The following AFF1 variants were observed in gnomAD, a reference collection of about 807,000 sequenced individuals.
The protein encoded by AFF1 is AF4/FMR2 family member 1.
AFF1 carries 48 observed loss-of-function variants against 121.7 expected under a neutral mutation model. The ratio of observed to expected loss-of-function variants is 0.39; its 90% CI spans 0.31 to 0.50. The LOEUF is 0.50. Among genes scored for constraint, AFF1 ranks in the 20% least tolerant of loss-of-function variants. AFF1 has a pLI of 0.76. For missense variants in AFF1, 1,523 were observed against 1,511.7 expected, an observed-to-expected ratio of 1.01 and a Z score of -0.12; for synonymous variants, 613 against 563.0, an observed-to-expected ratio of 1.09 and a Z score of -1.26.
At chr4:87,058,264 G>A (rs1182956134) in intron 4 of AFF1, among the ~76,000 whole-genome samples, 2 of 152,164 alleles carry the variant, frequency 1.3e-5, no homozygotes, top group Non-Finnish European at 2.9e-5. Context: ...GGTTTCTGTG[G>A]AGTAATGATG....
At chr4:87,021,830 A>T (rs1314085728) in intron 2 of AFF1, among the ~76,000 whole-genome samples, 1 of 152,188 alleles carries the variant, frequency 6.6e-6, no homozygotes, top group African/African-American at 2.4e-5. Flanking sequence ...AGGGGTTGGG[A>T]TTACTTTAGA....
intron 16 of AFF1, among the ~76,000 whole-genome samples, chr4:87,130,845 A>C (rs1578321438): frequency 6.6e-6 from 1 of 152,218 alleles, no homozygotes; most frequent in African/African-American, 2.4e-5. Context: ...TAAGGCTTTG[A>C]GAGCATGGTC....
intron 2 of AFF1, chr4:87,036,868 C>T: frequency 2.1e-6 from 1 of 476,782 alleles, no homozygotes; most frequent in South Asian, 1.6e-5. Context: ...CTTCTTGCTC[C>T]ATCGCTGAGG....
chr4:86,959,402 C>A (rs1283448093), intron 2 of AFF1, among the ~76,000 whole-genome samples: 1 of 151,662 alleles, frequency 6.6e-6, no homozygotes, highest in Admixed American at 6.6e-5. Flanking sequence ...TGTGTTGGGT[C>A]CCTTCCTCTT....
At chr4:87,134,131 A>G (rs1404863303) in intron 19 of AFF1, among the ~76,000 whole-genome samples, 1 of 152,222 alleles carries the variant, frequency 6.6e-6, no homozygotes, top group Non-Finnish European at 1.5e-5. Flanking sequence ...GCAGGTGCTC[A>G]GTTAGTGTTT....
At chr4:87,073,031 A>C (rs1722256186) in intron 4 of AFF1, among the ~76,000 whole-genome samples, 1 of 152,076 alleles carries the variant, frequency 6.6e-6, no homozygotes. Context: ...AAAGATAATT[A>C]AGTCTATCTA....
chr4:87,113,462 G>A (rs1385275512), intron 11 of AFF1, among the ~76,000 whole-genome samples: 1 of 151,936 alleles, frequency 6.6e-6, no homozygotes, highest in East Asian at 1.9e-4. Flanking sequence ...GTAGCAATGA[G>A]GTATTGCTAT....
chr4:87,111,751 G>T (rs1039552035), intron 11 of AFF1, among the ~76,000 whole-genome samples: 1 of 152,028 alleles, frequency 6.6e-6, no homozygotes, highest in Non-Finnish European at 1.5e-5. Context: ...CTTAATATTG[G>T]GTATACAGGA....
At chr4:86,941,420 G>A (rs925419812) in intron 1 of AFF1, among the ~76,000 whole-genome samples, 3 of 152,168 alleles carry the variant, frequency 2.0e-5, no homozygotes, top group Non-Finnish European at 4.4e-5. Context: ...CACTTTGGGA[G>A]GCCAAGGCGG....
chr4:87,056,106 C>G (rs1034486895), intron 4 of AFF1, among the ~76,000 whole-genome samples: 1 of 151,868 alleles, frequency 6.6e-6, no homozygotes, highest in Non-Finnish European at 1.5e-5. Context: ...TTCCTAACCC[C>G]GTGGTAATTT....
chr4:87,108,962 TA>T (rs1726200654), intron 11 of AFF1, among the ~76,000 whole-genome samples: 1 of 152,206 alleles, frequency 6.6e-6, no homozygotes, highest in African/African-American at 2.4e-5. Flanking sequence ...AGGCACTAAA[TA>T]AATCTAGAGG....
intron 4 of AFF1, among the ~76,000 whole-genome samples, chr4:87,081,849 A>G (rs1723212311): frequency 6.6e-6 from 1 of 152,180 alleles, no homozygotes; most frequent in Admixed American, 6.5e-5. Flanking sequence ...CAATGTTGCT[A>G]ATCTAAAATA....
At chr4:87,100,884 T>G (rs1220258720) in intron 8 of AFF1, among the ~76,000 whole-genome samples, 1 of 152,268 alleles carries the variant, frequency 6.6e-6, no homozygotes, top group Non-Finnish European at 1.5e-5. Context: ...ACTCTTGTGA[T>G]TTTTCTCATT....
intron 2 of AFF1, among the ~76,000 whole-genome samples, chr4:87,026,271 A>G (rs1242203193): frequency 3.3e-5 from 5 of 152,108 alleles, no homozygotes; most frequent in Non-Finnish European, 5.9e-5. Flanking sequence ...TAATTTTTGT[A>G]CTTTTAGTAG....
At chr4:86,954,505 TGAGTCCAGGAATTCATTC>T (rs1210998130) in intron 2 of AFF1, among the ~76,000 whole-genome samples, 2 of 152,154 alleles carry the variant, frequency 1.3e-5, no homozygotes, top group Admixed American at 6.5e-5. Context: ...GCAGACTGCT[TGAGTCCAGGAATTCATTC>T]GAGACCAGCC....
chr4:86,939,759 C>CT (rs1419254741), intron 1 of AFF1, among the ~76,000 whole-genome samples: 2 of 152,186 alleles, frequency 1.3e-5, no homozygotes, highest in African/African-American at 4.8e-5. Context: ...TAATGTACTC[C>CT]TGAAAGGCTT....
Position 87,136,245 on chromosome 4 carries a change from C to G in AFF1, c.*544C>G, listed in dbSNP as rs1238880350. 4.3e-6 allele frequency: 1 copy of G among 231,784 alleles called. No homozygotes were observed. Among genetic ancestry groups the G allele is most frequent in the Non-Finnish European group, 8.5e-6 (1 of 117,320 alleles). The allele number at this position is 231,784 out of a possible 1,614,324, so 14.4% of individuals were successfully genotyped here. The stretch of plus-strand genomic sequence containing the variant: ...TGTAAACCATAAGTAATGAAGGACT[C>G]CACTGTGCCCCACTTTCTGCCAATG... On this transcript the variant is annotated 3_prime_UTR_variant, in exon 21 of 21. Coordinates refer to ENST00000395146, the MANE Select transcript of AFF1 (RefSeq NM_001166693.3).
At chr4:86,943,736 G>C (rs1215481371) in intron 1 of AFF1, among the ~76,000 whole-genome samples, 1 of 152,088 alleles carries the variant, frequency 6.6e-6, no homozygotes, top group Admixed American at 6.5e-5. Flanking sequence ...GAGGTGGGCA[G>C]ATCACCTGAG....
At chr4:87,005,635 G>A (rs1726045958) in intron 2 of AFF1, among the ~76,000 whole-genome samples, 1 of 152,172 alleles carries the variant, frequency 6.6e-6, no homozygotes, top group African/African-American at 2.4e-5. Flanking sequence ...AATTACACAA[G>A]TGCTTTTCTT....
Sources: gnomAD v4.1 joint callset for allele counts (sites outside exome capture counted in the v4.1 genomes callset) on GRCh38, gnomAD v4.1.1 for gene constraint, MANE v1.5 for transcripts, NCBI Gene and HGNC (gene_info 2026-07-23, HGNC 2026-07-21) for gene names.